XYLT1: variants seen among roughly 807,000 people sequenced by gnomAD.
XYLT1 encodes the protein xylosyltransferase 1.
Under a neutral mutation model 91.3 loss-of-function variants are expected in XYLT1, and 36 were observed. That is an observed-to-expected ratio of 0.39 (90% CI 0.30 to 0.52). The LOEUF (loss-of-function observed/expected upper bound fraction) is 0.52, where lower values mean the gene tolerates loss of function less well. Among genes scored for constraint, XYLT1 ranks in the 20% least tolerant of loss-of-function variants. XYLT1 has a pLI of 0.68. For synonymous variants in XYLT1, 588 were observed against 532.0 expected, an observed-to-expected ratio of 1.11 and a Z score of -1.45; for missense variants, 1,242 against 1,284.5, an observed-to-expected ratio of 0.97 and a Z score of 0.51.
chr16:17,337,256 T>C (rs921971167), intron 2 of XYLT1, among the ~76,000 whole-genome samples: 2 of 152,088 alleles, frequency 1.3e-5, no homozygotes, highest in Admixed American at 6.5e-5. Flanking sequence ...GGTGCAGTCA[T>C]GGCTCATTGT....
intron 3 of XYLT1, among the ~76,000 whole-genome samples, chr16:17,252,696 C>T (rs974547216): frequency 6.6e-6 from 1 of 152,188 alleles, no homozygotes; most frequent in Non-Finnish European, 1.5e-5. Flanking sequence ...CTTCTGGACT[C>T]GACATTTTCC....
Position 17,470,766 on chromosome 16 carries a change from C to G in XYLT1, c.31G>C (p.Ala11Pro). 5.6e-6 allele frequency: 6 copies of G among 1,072,232 alleles called. No homozygotes were observed. Among genetic ancestry groups the G allele is most frequent in the Non-Finnish European group, 6.8e-6 (6 of 880,086 alleles). The allele number at this position is 1,072,232 out of a possible 1,614,324, so 66.4% of individuals were successfully genotyped here. A position where few individuals can be genotyped will look rare whatever the true frequency, so the allele number is the denominator to read the frequency against. The change falls in exon 1 of 12, where the codon GCC (alanine) becomes CCC (proline). Residue 11 changes from alanine to proline, a missense_variant. Ala to Pro is a conservative substitution (Grantham distance 27). Transcript: ENST00000261381. MVAAPCARRL[A>P]RRSHSALLAA... ...AGCAGCGCCGAGTGCGAGCGCCGGG[C>G]CAGCCTCCGGGCGCACGGCGCCGCC...
chr16:17,194,926 T>G (rs1014855595), intron 5 of XYLT1, among the ~76,000 whole-genome samples: 4 of 152,258 alleles, frequency 2.6e-5, no homozygotes, highest in African/African-American at 9.6e-5. Context: ...GGAGAGGGAA[T>G]GTTCTAACCC....
chr16:17,277,579 G>A (rs1368653647), intron 2 of XYLT1, among the ~76,000 whole-genome samples: 4 of 151,958 alleles, frequency 2.6e-5, no homozygotes, highest in South Asian at 2.1e-4. Context: ...TAGTAGAGAC[G>A]GGGTTTCACC....
chr16:17,428,779 T>A (rs2036351032), intron 1 of XYLT1, among the ~76,000 whole-genome samples: 1 of 152,168 alleles, frequency 6.6e-6, no homozygotes, highest in African/African-American at 2.4e-5. Flanking sequence ...TTCCTTTTAT[T>A]TTTTGTTTCC....
intron 8 of XYLT1, among the ~76,000 whole-genome samples, chr16:17,134,966 ATCATTT>A (rs2030656092): frequency 2.6e-5 from 4 of 152,170 alleles, no homozygotes; most frequent in Non-Finnish European, 5.9e-5. Flanking sequence ...CTTAGTAAGC[ATCATTT>A]CTTAGTAAGC....
chr16:17,293,517 T>C (rs1484292128), intron 2 of XYLT1, among the ~76,000 whole-genome samples: 1 of 132,716 alleles, frequency 7.5e-6, no homozygotes, highest in African/African-American at 3.0e-5. Context: ...TTTTTTTTTT[T>C]GAGACTGAGT....
At chr16:17,328,026 G>A (rs964692676) in intron 2 of XYLT1, among the ~76,000 whole-genome samples, 2 of 152,044 alleles carry the variant, frequency 1.3e-5, no homozygotes, top group African/African-American at 4.8e-5. Context: ...GGGAGAAATT[G>A]AGTCCACCTC....
intron 2 of XYLT1, among the ~76,000 whole-genome samples, chr16:17,300,142 TAAGAAC>T (rs1391514077): frequency 6.6e-6 from 1 of 152,190 alleles, no homozygotes; most frequent in East Asian, 1.9e-4. Flanking sequence ...GCTTAGCTGT[TAAGAAC>T]ATGGTGAAAA....
chr16:17,449,804 A>C (rs1596552110), intron 1 of XYLT1, among the ~76,000 whole-genome samples: 1 of 152,220 alleles, frequency 6.6e-6, no homozygotes, highest in Non-Finnish European at 1.5e-5. Context: ...CCATGGAACA[A>C]GGCATGATTC....
chr16:17,178,651 C>T (rs1055583898), intron 5 of XYLT1, among the ~76,000 whole-genome samples: 1 of 152,246 alleles, frequency 6.6e-6, no homozygotes, highest in Admixed American at 6.5e-5. Flanking sequence ...TACTGGAACA[C>T]AGTCATACCC....
chr16:17,232,985 T>A (rs563634491), intron 3 of XYLT1, among the ~76,000 whole-genome samples: 31 of 152,276 alleles, frequency 2.0e-4, no homozygotes, highest in African/African-American at 6.5e-4. Flanking sequence ...TTTTAATGCC[T>A]CCACCATATC....
intron 1 of XYLT1, among the ~76,000 whole-genome samples, chr16:17,461,645 C>CTGAT (rs2141960189): frequency 6.6e-6 from 1 of 151,956 alleles, no homozygotes; most frequent in Non-Finnish European, 1.5e-5. Flanking sequence ...GATGAATGGA[C>CTGAT]TGATGGATGG....
intron 1 of XYLT1, among the ~76,000 whole-genome samples, chr16:17,455,144 T>C (rs948855807): frequency 1.3e-5 from 2 of 151,982 alleles, no homozygotes; most frequent in Non-Finnish European, 2.9e-5. Context: ...GAAGTCACGA[T>C]AGAGACCCTA....
intron 2 of XYLT1, among the ~76,000 whole-genome samples, chr16:17,324,788 T>A (rs1433361593): frequency 1.3e-5 from 2 of 152,246 alleles, no homozygotes; most frequent in Non-Finnish European, 2.9e-5. Context: ...CACACATAAA[T>A]GTAGAAAACA....
intron 2 of XYLT1, among the ~76,000 whole-genome samples, chr16:17,323,744 G>A (rs1249262131): frequency 6.6e-6 from 1 of 151,826 alleles, no homozygotes; most frequent in African/African-American, 2.4e-5. Context: ...TGCTTTCTCT[G>A]GGTTTTTTCT....
intron 1 of XYLT1, among the ~76,000 whole-genome samples, chr16:17,398,117 G>T (rs960058911): frequency 6.6e-6 from 1 of 152,004 alleles, no homozygotes. Flanking sequence ...GATCCACGGA[G>T]GCCACGTAAA....
intron 2 of XYLT1, among the ~76,000 whole-genome samples, chr16:17,326,432 T>C (rs574731118): frequency 1.3e-5 from 2 of 152,308 alleles, no homozygotes; most frequent in East Asian, 1.9e-4. Context: ...TTTTGAAAGG[T>C]TGACCTCTAA....
chr16:17,290,704 G>A (rs369061169), intron 2 of XYLT1, among the ~76,000 whole-genome samples: 9 of 152,220 alleles, frequency 5.9e-5, no homozygotes, highest in African/African-American at 2.2e-4. Context: ...AAGATGAAGA[G>A]ACTGAGGCCA....
Sources: gnomAD v4.1 joint callset for allele counts (sites outside exome capture counted in the v4.1 genomes callset) on GRCh38, gnomAD v4.1.1 for gene constraint, MANE v1.5 for transcripts, NCBI Gene and HGNC (gene_info 2026-07-23, HGNC 2026-07-21) for gene names.